Variants in TMEM44 observed in about 807,000 individuals in gnomAD.
The protein encoded by TMEM44 is transmembrane protein 44.
In TMEM44, 43 loss-of-function variants were observed where a neutral mutation model predicts 47.8. The observed-to-expected ratio is 0.90, with a 90% CI of 0.70 to 1.16. The LOEUF (loss-of-function observed/expected upper bound fraction) is 1.16. Ranked by LOEUF, TMEM44 falls within the 50% of genes most tolerant of loss-of-function variation. TMEM44 has a pLI of 0.00. For synonymous variants in TMEM44, 277 were observed against 238.8 expected (o/e 1.16, Z -1.48); for missense variants, 568 against 555.2 (o/e 1.02, Z -0.23).
chr3:194,611,442 T>C lies in TMEM44; in HGVS notation c.913-422A>G, dbSNP rs1030805455. Among the ~76,000 whole-genome samples the C allele has an allele frequency of 6.6e-6, 1 of 152,056 alleles. No individual in the cohort carries two copies. Among genetic ancestry groups the C allele is most frequent in the Non-Finnish European group, 1.5e-5 (1 of 68,010 alleles). ...TAAGATCCCCAGCTGAGCAGCGATCTGGAGTGAAGCTGTGATCCAGGCACT... is the reference window on the plus strand; with the variant it reads ...TAAGATCCCCAGCTGAGCAGCGATCCGGAGTGAAGCTGTGATCCAGGCACT... On this transcript the variant is annotated intron_variant, in intron 7 of 9. Transcript: ENST00000347147. The surrounding 1 kb of genome is among the most constrained non-coding windows in gnomAD (Gnocchi z 4.2).
chr3:194,604,015 G>A (rs899393168), intron 9 of TMEM44, among the ~76,000 whole-genome samples: 19 of 151,756 alleles, frequency 1.3e-4, no homozygotes, highest in African/African-American at 4.4e-4. Flanking sequence ...CACTACACCC[G>A]GCTAATTTTT....
intron 6 of TMEM44, among the ~76,000 whole-genome samples, chr3:194,616,245 T>A (rs1715876122): frequency 6.6e-6 from 1 of 152,076 alleles, no homozygotes; most frequent in Non-Finnish European, 1.5e-5. Flanking sequence ...AGAGACCGGG[T>A]TTCACCATGT....
chr3:194,620,586 C>T (rs535869565), intron 5 of TMEM44, among the ~76,000 whole-genome samples: 17 of 152,034 alleles, frequency 1.1e-4, no homozygotes, highest in Non-Finnish European at 2.1e-4. Flanking sequence ...GGGCAGCAAC[C>T]GGGAAAATAA....
chr3:194,632,281 C>T (rs1193355212), intron 1 of TMEM44, among the ~76,000 whole-genome samples: 1 of 152,196 alleles, frequency 6.6e-6, no homozygotes, highest in Non-Finnish European at 1.5e-5. Context: ...AGAATCTCTG[C>T]AATACGACCA....
chr3:194,599,697 G>C (rs1466508854), intron 9 of TMEM44, among the ~76,000 whole-genome samples: 2 of 143,374 alleles, frequency 1.4e-5, no homozygotes, highest in Non-Finnish European at 3.0e-5. Context: ...TGATTCTCCT[G>C]CCTCAGCCTC....
intron 1 of TMEM44, among the ~76,000 whole-genome samples, chr3:194,629,484 G>A (rs1020710297): frequency 6.6e-6 from 1 of 152,234 alleles, no homozygotes; most frequent in African/African-American, 2.4e-5. Context: ...GTCACTGATA[G>A]GGCCTCTGAA....
At chr3:194,618,161 C>T (rs913667982) in intron 5 of TMEM44, among the ~76,000 whole-genome samples, 1 of 152,204 alleles carries the variant, frequency 6.6e-6, no homozygotes, top group Non-Finnish European at 1.5e-5. Flanking sequence ...GCCCTTCTCT[C>T]CCTGGGACCC....
At chr3:194,629,617 T>G (rs1717557271) in intron 1 of TMEM44, among the ~76,000 whole-genome samples, 1 of 151,574 alleles carries the variant, frequency 6.6e-6, no homozygotes, top group African/African-American at 2.4e-5. Flanking sequence ...TCGGCGTCCC[T>G]GATAGGGCCT....
intron 1 of TMEM44, among the ~76,000 whole-genome samples, chr3:194,630,908 G>A (rs1218942391): frequency 2.1e-4 from 21 of 100,588 alleles, no homozygotes; most frequent in East Asian, 3.1e-4. Context: ...CGTCACTGAT[G>A]GGGCCTCTGA....
At chr3:194,597,223 G>C (rs971905626) in intron 9 of TMEM44, 1 of 152,162 alleles carries the variant, frequency 6.6e-6, no homozygotes, top group Admixed American at 6.6e-5. Flanking sequence ...CTTATACCCC[G>C]TCTCTTGCAA....
intron 8 of TMEM44, among the ~76,000 whole-genome samples, chr3:194,606,057 A>G (rs904812038): frequency 4.6e-5 from 7 of 152,184 alleles, no homozygotes; most frequent in Non-Finnish European, 1.5e-5. Context: ...TCTGGATGGG[A>G]GTGGGGAAGC....
At chr3:194,593,031 T>TCGGA in intron 9 of TMEM44, 1 of 1,613,860 alleles carries the variant, frequency 6.2e-7, no homozygotes, top group Non-Finnish European at 8.5e-7. Context: ...AAGAGCATGA[T>TCGGA]CGTCCATACC....
chr3:194,625,305 C>A (rs1294639343), intron 3 of TMEM44, among the ~76,000 whole-genome samples: 1 of 152,170 alleles, frequency 6.6e-6, no homozygotes, highest in Non-Finnish European at 1.5e-5. Flanking sequence ...GAGTGCCCTG[C>A]CTGTGGCCCC....
At position 194,604,302 on chromosome 3, in the gene TMEM44, G is replaced by A. The variant is rs1224004635; in HGVS notation, c.1161C>T (p.Ile387=). ...SSGSSSEVSS[I]NSDLEWDPED... ...AGCCGTGTACCTCCAGGTCGGAGTT[G>A]ATGGAGGAGACCTCAGAGGAGCTGC... The change falls in exon 9 of 10, where the codon ATC becomes ATT. Residue 387 remains isoleucine, a synonymous_variant. Transcript: ENST00000347147. The A allele has an allele frequency of 6.3e-7, 1 of 1,581,304 alleles. No individual in the cohort carries two copies. The highest frequency in any genetic ancestry group is 8.6e-7 in the Non-Finnish European group (1 of 1,164,444).
In TMEM44 at chr3:194,628,368, G is replaced by A; in HGVS notation, c.264+15C>T. On this transcript the variant is annotated intron_variant, in intron 2 of 9. Transcript: ENST00000347147. The stretch of plus-strand genomic sequence containing the variant: ...GTGCTGGCCTAAGCCACTGTCAGCT[G>A]GAGGCCCAACATACCTGGATTGTGA... The A allele has an allele frequency of 6.2e-7, 1 of 1,607,218 alleles. No homozygotes were observed. The highest frequency in any genetic ancestry group is 8.5e-7 in the Non-Finnish European group (1 of 1,176,814).
chr3:194,619,476 C>T (rs1182119407), intron 5 of TMEM44, among the ~76,000 whole-genome samples: 1 of 152,194 alleles, frequency 6.6e-6, no homozygotes, highest in Admixed American at 6.5e-5. Context: ...GCAGGACAGG[C>T]CTCGGATGGT....
intron 6 of TMEM44, chr3:194,616,826 T>C (rs1339974084): frequency 2.0e-6 from 1 of 492,140 alleles, no homozygotes. Context: ...AATTGGGAGG[T>C]GAAGGTTGCA....
At chr3:194,626,570 G>C (rs1717200970) in intron 2 of TMEM44, among the ~76,000 whole-genome samples, 1 of 152,026 alleles carries the variant, frequency 6.6e-6, no homozygotes, top group South Asian at 2.1e-4. Flanking sequence ...ACCTCTCTAT[G>C]CTTCAGTCTC....
intron 2 of TMEM44, 149 bp downstream of exon 2, chr3:194,628,234 G>A: frequency 3.5e-6 from 4 of 1,137,342 alleles, no homozygotes; most frequent in South Asian, 1.7e-5. Flanking sequence ...GAGGGGGGCA[G>A]AAGGAACAGC....
Sources: gnomAD v4.1 joint callset for allele counts (sites outside exome capture counted in the v4.1 genomes callset) on GRCh38, gnomAD v4.1.1 for gene constraint, Gnocchi (gnomAD v3.1) non-coding constraint, MANE v1.5 for transcripts, NCBI Gene and HGNC (gene_info 2026-07-23, HGNC 2026-07-21) for gene names.